The following VPS33A variants were observed in gnomAD, a reference collection of about 807,000 sequenced individuals.
VPS33A encodes the protein VPS33A core subunit of CORVET and HOPS complexes, also known as vacuolar protein sorting-associated protein 33A.
In VPS33A, 32 loss-of-function variants were observed where a neutral mutation model predicts 71.8. The ratio of observed to expected loss-of-function variants is 0.45; its 90% CI spans 0.34 to 0.60. VPS33A has a LOEUF of 0.60. Ranked by LOEUF, VPS33A falls within the 20% of genes least tolerant of loss-of-function variation. The probability of loss-of-function intolerance (pLI) is 0.02; values close to 1 mark genes in which losing one functional copy is unlikely to be tolerated. For synonymous variants in VPS33A, 311 were observed against 292.7 expected, an observed-to-expected ratio of 1.06 and a Z score of -0.64; for missense variants, 625 against 748.5, an observed-to-expected ratio of 0.84 and a Z score of 1.92.
intron 4 of VPS33A, chr12:122,252,889 G>C (rs1954863786): frequency 6.6e-6 from 1 of 152,160 alleles, no homozygotes; most frequent in African/African-American, 2.4e-5. Context: ...CTTTTATTTG[G>C]AATTATTTAG....
chr12:122,265,524 T>G (rs1200414170), intron 1 of VPS33A: 1 of 245,858 alleles, frequency 4.1e-6, no homozygotes, highest in Non-Finnish European at 8.9e-6. Context: ...GATACTGACA[T>G]TGATACAATC....
intron 4 of VPS33A, among the ~76,000 whole-genome samples, chr12:122,257,462 G>C (rs1954934459): frequency 6.7e-6 from 1 of 149,248 alleles, no homozygotes; most frequent in Non-Finnish European, 1.5e-5. Flanking sequence ...GCCGGGCGCA[G>C]GTGGAAGCTC....
chr12:122,258,207 T>C (rs957271330), intron 4 of VPS33A, among the ~76,000 whole-genome samples: 7 of 151,918 alleles, frequency 4.6e-5, no homozygotes, highest in African/African-American at 1.5e-4. Context: ...CTGGGCAACA[T>C]AGTGAGACCT....
At chr12:122,259,060 T>C (rs533062553) in intron 4 of VPS33A, among the ~76,000 whole-genome samples, 1 of 150,936 alleles carries the variant, frequency 6.6e-6, no homozygotes. Context: ...CCTCCCACAC[T>C]GCTGCTGGGA....
At chr12:122,256,920 G>A (rs998377069) in intron 4 of VPS33A, among the ~76,000 whole-genome samples, 3 of 152,220 alleles carry the variant, frequency 2.0e-5, no homozygotes, top group East Asian at 1.9e-4. Flanking sequence ...GAATAAACAA[G>A]TATTGCCATA....
chr12:122,257,672 CA>C (rs1277624870), intron 4 of VPS33A, among the ~76,000 whole-genome samples: 53 of 137,380 alleles, frequency 3.9e-4, no homozygotes, highest in Admixed American at 8.1e-4. Flanking sequence ...GACTCCATCT[CA>C]AAAAAAAAAA....
chr12:122,257,330 G>T (rs892680572), intron 4 of VPS33A, among the ~76,000 whole-genome samples: 2 of 151,164 alleles, frequency 1.3e-5, no homozygotes, highest in African/African-American at 2.5e-5. Flanking sequence ...GAGAGGCTGA[G>T]GCAAGAGAAC....
chr12:122,253,738 C>A (rs1468304358), intron 4 of VPS33A, among the ~76,000 whole-genome samples: 2 of 151,934 alleles, frequency 1.3e-5, no homozygotes, highest in Non-Finnish European at 2.9e-5. Flanking sequence ...TGCTCTATCA[C>A]CCAGGCTGGA....
intron 1 of VPS33A, 58 bp downstream of exon 1, chr12:122,266,249 A>C (rs1955069414): frequency 6.3e-7 from 1 of 1,592,760 alleles, no homozygotes; most frequent in South Asian, 1.1e-5. Flanking sequence ...CAGGGAACGG[A>C]TTAAACCAGG....
chr12:122,242,543 G>T (rs778352540), intron 7 of VPS33A, 35 bp from the exon 8 acceptor site: 3 of 1,573,168 alleles, frequency 1.9e-6, no homozygotes, highest in Non-Finnish European at 8.7e-7. Context: ...CTCAAGCAGG[G>T]AAGATAGTTT....
Position 122,231,257 on chromosome 12 carries a change from T to C in VPS33A, c.*989A>G, listed in dbSNP as rs983398969. On this transcript the variant is annotated 3_prime_UTR_variant, in exon 13 of 13. Coordinates refer to ENST00000267199, the MANE Select transcript of VPS33A (RefSeq NM_022916.6). Reference sequence around the variant, plus strand: ...GCTCCCCAATTATCACATTCTTCCATGTCAAAAGCCCCTGATAAGTATGGA... The same window carrying C: ...GCTCCCCAATTATCACATTCTTCCACGTCAAAAGCCCCTGATAAGTATGGA... The C allele has an allele frequency of 6.6e-6, 1 of 152,216 alleles. No individual in the cohort carries two copies. The highest frequency in any genetic ancestry group is 2.4e-5 in the African/African-American group (1 of 41,440). 9.4% of individuals were successfully genotyped at this position (152,216 alleles called of 1,614,324 possible).
At chr12:122,247,552 C>T (rs1460026181) in intron 6 of VPS33A, among the ~76,000 whole-genome samples, 1 of 152,166 alleles carries the variant, frequency 6.6e-6, no homozygotes. Flanking sequence ...TCACTAAAGA[C>T]CTTCCATACG....
At chr12:122,239,777 AAAGGCAAGGCAT>A in intron 9 of VPS33A, 89 bp downstream of exon 9, 1 of 627,252 alleles carries the variant, frequency 1.6e-6, no homozygotes, top group Non-Finnish European at 2.6e-6. Flanking sequence ...AAAAAAAAAA[AAAGGCAAGGCAT>A]GGGAATCAAA....
In VPS33A at chr12:122,238,679, TCAA is replaced by T; in HGVS notation, c.1207_1209del (p.Leu403del). The T allele has an allele frequency of 6.2e-7, 1 of 1,613,904 alleles. No homozygotes were observed. Among genetic ancestry groups the T allele is most frequent in the Non-Finnish European group, 8.5e-7 (1 of 1,179,992 alleles). On this transcript the variant is annotated inframe_deletion, in exon 10 of 13. Transcript: ENST00000267199. ...AGGCAAACTAGTCTTAACACCTTGA[TCAA>T]CGAGTGCTTTTGGGCGATACAATCC...
intron 7 of VPS33A, among the ~76,000 whole-genome samples, 178 bp from the exon 8 acceptor site, chr12:122,242,686 G>A (rs748904302): frequency 2.0e-5 from 3 of 152,136 alleles, no homozygotes; most frequent in Non-Finnish European, 4.4e-5. Context: ...CCGAGTAGCT[G>A]GGATTACAGG....
At chr12:122,244,839 G>T in intron 6 of VPS33A, 77 bp from the exon 7 acceptor site, 1 of 1,459,198 alleles carries the variant, frequency 6.9e-7, no homozygotes, top group South Asian at 1.3e-5. Flanking sequence ...GCACAAAACA[G>T]AATTTCCAAC....
At chr12:122,259,769 T>G (rs1316759103) in intron 4 of VPS33A, among the ~76,000 whole-genome samples, 2 of 151,864 alleles carry the variant, frequency 1.3e-5, no homozygotes, top group African/African-American at 2.4e-5. Flanking sequence ...AAAGGACCAT[T>G]TATGTATTAT....
rs1954820912 is a variant in VPS33A, at chr12:122,249,871, T to C, written c.775A>G (p.Ser259Gly). The change falls in exon 6 of 13, where the codon AGT (serine) becomes GGT (glycine). Residue 259 changes from serine (S) to glycine (G), a missense_variant and splice_region_variant. Physicochemically the swap from Ser to Gly is moderately conservative, Grantham distance 56 (BLOSUM62 0). Transcript: ENST00000267199. ...LIDEIYGIQN[S>G]YVKLPPEKFA... is the part of the protein sequence containing the mutation. ...GTGAAAACAGATGTCATGTACTTAC[T>C]GTTCTGAATGCCATAAATTTCATCA... 1 of 1,611,910 alleles carries C rather than the reference T, an allele frequency of 6.2e-7. No individual in the cohort carries two copies. The highest frequency in any genetic ancestry group is 8.5e-7 in the Non-Finnish European group (1 of 1,179,314).
intron 10 of VPS33A, 128 bp from the exon 11 acceptor site, chr12:122,236,051 T>A (rs1741617046): frequency 8.5e-7 from 1 of 1,170,428 alleles, no homozygotes; most frequent in African/African-American, 1.6e-5. Flanking sequence ...TCCAGCAATG[T>A]TAGTGGATGG....
Sources: allele counts gnomAD v4.1 joint callset (sites outside exome capture counted in the v4.1 genomes callset), GRCh38; gene constraint gnomAD v4.1.1; transcripts MANE v1.5; gene names NCBI Gene and HGNC (gene_info 2026-07-23, HGNC 2026-07-21).